Variants in CNTRL observed in about 807,000 individuals in gnomAD.
The protein encoded by CNTRL is 110 kDa centrosomal protein.
CNTRL carries 233 observed loss-of-function variants against 303.7 expected under a neutral mutation model. The ratio of observed to expected loss-of-function variants is 0.77; its 90% CI spans 0.69 to 0.86. The LOEUF (loss-of-function observed/expected upper bound fraction) is 0.86. Among genes scored for constraint, CNTRL ranks in the 40% least tolerant of loss-of-function variants. CNTRL has a pLI of 0.00. For synonymous variants in CNTRL, 900 were observed against 922.2 expected (o/e 0.98, Z 0.44); for missense variants, 2,524 against 2,650.6 (o/e 0.95, Z 1.05).
intron 16 of CNTRL, among the ~76,000 whole-genome samples, chr9:121,138,961 G>C (rs984659397): frequency 6.6e-6 from 1 of 152,146 alleles, no homozygotes; most frequent in African/African-American, 2.4e-5. Flanking sequence ...GGCAAAAGCA[G>C]TATCTTGCTT....
At chr9:121,100,901 T>C (rs2049131320) in intron 7 of CNTRL, among the ~76,000 whole-genome samples, 2 of 152,280 alleles carry the variant, frequency 1.3e-5, no homozygotes, top group South Asian at 4.1e-4. Flanking sequence ...AGAATCCAGA[T>C]TCATAAAGCA....
intron 1 of CNTRL, among the ~76,000 whole-genome samples, chr9:121,077,970 G>C (rs148229412): frequency 2.6e-5 from 4 of 151,648 alleles, no homozygotes; most frequent in African/African-American, 9.7e-5. Flanking sequence ...CGCCAACTAC[G>C]TACTATACAT....
At chr9:121,114,138 C>T (rs1413770111) in intron 10 of CNTRL, among the ~76,000 whole-genome samples, 2 of 152,234 alleles carry the variant, frequency 1.3e-5, no homozygotes, top group Non-Finnish European at 2.9e-5. Flanking sequence ...AGGCCTGGGC[C>T]GAAGGCTAGC....
At chr9:121,075,315 A>G (rs1588018457) in intron 1 of CNTRL, among the ~76,000 whole-genome samples, 2 of 152,092 alleles carry the variant, frequency 1.3e-5, no homozygotes, top group Non-Finnish European at 2.9e-5. Context: ...GCGATTGGGG[A>G]TGAAGAACCA....
At chr9:121,119,897 T>C (rs1220653971) in intron 12 of CNTRL, among the ~76,000 whole-genome samples, 1 of 152,172 alleles carries the variant, frequency 6.6e-6, no homozygotes, top group Non-Finnish European at 1.5e-5. Context: ...ACGTATTTGT[T>C]TTTTCATACT....
At chr9:121,114,496 C>T (rs1227752345) in intron 10 of CNTRL, among the ~76,000 whole-genome samples, 1 of 152,116 alleles carries the variant, frequency 6.6e-6, no homozygotes, top group African/African-American at 2.4e-5. Flanking sequence ...TCTGCGTATA[C>T]TATATGCAAG....
rs775525901 is a variant in CNTRL, at chr9:121,173,264, G to C, written c.6439G>C (p.Glu2147Gln). The C allele has an allele frequency of 3.7e-6, 6 of 1,610,796 alleles. No homozygotes were observed. Among genetic ancestry groups the C allele is most frequent in the Admixed American group, 1.7e-5 (1 of 59,782 alleles). The change falls in exon 41 of 44, where the codon GAG becomes CAG. Residue 2147 changes from glutamate (E) to glutamine (Q), a missense_variant. Transcript: ENST00000373855. ...TTAGATGGCAAACCAAAAAGATTTG[G>C]AGAGAAGACAAATGGAAATCAGTGA... ...KKQMANQKDL[E>Q]RRQMEISDAM... is the part of the protein sequence containing the mutation.
At chr9:121,075,813 T>A (rs529112396) in intron 1 of CNTRL, among the ~76,000 whole-genome samples, 1 of 152,314 alleles carries the variant, frequency 6.6e-6, no homozygotes, top group Non-Finnish European at 1.5e-5. Context: ...GAGGTTATCA[T>A]CCCCATTTAA....
chr9:121,145,458 C>A, intron 22 of CNTRL, 73 bp downstream of exon 22: 1 of 1,431,650 alleles, frequency 7.0e-7, no homozygotes, highest in Non-Finnish European at 9.4e-7. Flanking sequence ...TTGTTTTTTA[C>A]CTTTAACTGT....
At chr9:121,139,581 A>G (rs1289108451) in intron 16 of CNTRL, among the ~76,000 whole-genome samples, 3 of 152,334 alleles carry the variant, frequency 2.0e-5, no homozygotes, top group Admixed American at 6.5e-5. Context: ...AGCAAATATC[A>G]TAAAAGATAT....
intron 22 of CNTRL, among the ~76,000 whole-genome samples, chr9:121,145,795 G>T (rs1274613698): frequency 6.6e-6 from 1 of 152,118 alleles, no homozygotes. Context: ...ACTCGGGAAG[G>T]TGAGGCAGGA....
intron 37 of CNTRL, 114 bp downstream of exon 37, chr9:121,167,791 T>A: frequency 2.2e-6 from 2 of 908,618 alleles, no homozygotes; most frequent in Non-Finnish European, 3.4e-6. Context: ...ATGTGTCCCT[T>A]AACTGCCCTG....
intron 2 of CNTRL, among the ~76,000 whole-genome samples, chr9:121,084,489 T>C (rs2048268410): frequency 6.6e-6 from 1 of 152,082 alleles, no homozygotes; most frequent in African/African-American, 2.4e-5. Context: ...GTGTGCTATA[T>C]ACTGTACGCA....
At chr9:121,165,122 A>G (rs778583502) in intron 35 of CNTRL, 22 bp downstream of exon 35, 2 of 1,532,540 alleles carry the variant, frequency 1.3e-6, no homozygotes, top group Non-Finnish European at 1.8e-6. Context: ...CAAAACAGTG[A>G]AAGTGTGTGA....
rs761995459 is a variant in CNTRL at position 121,160,220 on chromosome 9, A to G, written c.5007A>G (p.Gln1669=). ...LNVQISERKT[Q]LTLIKQEIEK... The stretch of plus-strand genomic sequence containing the variant: ...TTCAGATTAGTGAAAGAAAAACTCA[A>G]CTTACACTTATAAAGCAGGAAATTG... The change falls in exon 32 of 44, where the codon CAA becomes CAG. Residue 1669 remains glutamine (Q), a synonymous_variant. Coordinates refer to ENST00000373855, the MANE Select transcript of CNTRL (RefSeq NM_007018.6). 6.4e-6 allele frequency: 10 copies of G among 1,570,698 alleles called. No individual in the cohort carries two copies. The highest frequency in any genetic ancestry group is 2.5e-5 in the South Asian group (2 of 81,066).
intron 5 of CNTRL, among the ~76,000 whole-genome samples, chr9:121,096,152 T>A (rs9299273): frequency 0.68 from 103,092 of 151,988 alleles, 35,686 homozygotes; most frequent in East Asian, 0.96. Context: ...AATGCCATGG[T>A]CACATTTTTC....
intron 37 of CNTRL, 138 bp from the exon 38 acceptor site, chr9:121,167,958 T>C: frequency 2.6e-6 from 2 of 783,536 alleles, no homozygotes; most frequent in Admixed American, 5.5e-5. Context: ...CCAAGCCCTC[T>C]TGATCACCTC....
chr9:121,177,164 A>G lies in CNTRL; in HGVS notation c.6956A>G (p.Glu2319Gly), dbSNP rs759488150. ...TEDSQLGQNQ[E>G]KNASAR is the part of the protein sequence containing the mutation. ...ATCCTTCCTTTTGTCTTACTGTAGG[A>G]AAAGAATGCCTCAGCCAGATGAGGA... The change falls in exon 44 of 44, where the codon GAA becomes GGA. Residue 2319 changes from glutamate to glycine, a missense_variant and splice_region_variant. Physicochemically the swap from Glu to Gly is moderately conservative, Grantham distance 98. Transcript: ENST00000373855. The G allele has an allele frequency of 9.9e-6, 16 of 1,610,240 alleles. No homozygotes were observed. The Admixed American group carries it at 1.0e-4, about 10-fold the overall frequency.
In CNTRL at chr9:121,177,144, T is replaced by TC. The variant is rs2053561422; in HGVS notation, c.6955-17dup. 1 of 1,605,356 alleles carries TC rather than the reference T, an allele frequency of 6.2e-7. No individual in the cohort carries two copies. The highest frequency in any genetic ancestry group is 1.3e-5 in the African/African-American group (1 of 74,736). ...CTGTTTCAAGAATTTGATTTATCCT[T>TC]CCTTTTGTCTTACTGTAGGAAAAGA... On this transcript the variant is annotated intron_variant, in intron 43 of 43. Transcript: ENST00000373855.
Sources: gnomAD v4.1 joint callset for allele counts (sites outside exome capture counted in the v4.1 genomes callset) on GRCh38, gnomAD v4.1.1 for gene constraint, MANE v1.5 for transcripts, NCBI Gene and HGNC (gene_info 2026-07-23, HGNC 2026-07-21) for gene names.